The following SCN1A variants were observed in gnomAD, a reference collection of about 807,000 sequenced individuals.
The protein encoded by SCN1A is sodium channel protein type 1 subunit alpha.
A neutral mutation model predicts 193.7 loss-of-function variants in SCN1A; 13 were observed. That is an observed-to-expected ratio of 0.07 (90% CI 0.04 to 0.11). The LOEUF (loss-of-function observed/expected upper bound fraction) is 0.11. Ranked by LOEUF, SCN1A falls within the 10% of genes least tolerant of loss-of-function variation. The pLI is 1.00. For synonymous variants in SCN1A, 781 were observed against 843.6 expected (o/e 0.93, Z 1.29); for missense variants, 1,432 against 2,451.1 (o/e 0.58, Z 8.78).
chr2:166,024,841 G>A (rs191993307), intron 19 of SCN1A, among the ~76,000 whole-genome samples: 1 of 152,182 alleles, frequency 6.6e-6, no homozygotes, highest in Admixed American at 6.5e-5. Context: ...TGTATTTTTT[G>A]TAGAGACAGC....
chr2:166,074,764 A>C (rs1283344367), intron 3 of SCN1A, among the ~76,000 whole-genome samples: 1 of 152,216 alleles, frequency 6.6e-6, no homozygotes, highest in Non-Finnish European at 1.5e-5. Flanking sequence ...GCTATGGTAC[A>C]GTTAATTATA....
intron 9 of SCN1A, among the ~76,000 whole-genome samples, chr2:166,050,794 T>A (rs1698469584): frequency 6.6e-6 from 1 of 150,714 alleles, no homozygotes; most frequent in Non-Finnish European, 1.5e-5. Flanking sequence ...TTTCTATTAC[T>A]GTCTCCTGAA....
chr2:166,047,085 A>C, intron 11 of SCN1A, 109 bp from the exon 12 acceptor site: 1 of 1,244,952 alleles, frequency 8.0e-7, no homozygotes, highest in South Asian at 1.3e-5. Flanking sequence ...AATAGTAATT[A>C]TGTTGGTCAT....
chr2:166,094,812 A>G (rs1687200389), intron 2 of SCN1A, among the ~76,000 whole-genome samples: 1 of 152,206 alleles, frequency 6.6e-6, no homozygotes, highest in South Asian at 2.1e-4. Flanking sequence ...GCTATCAGAG[A>G]TGGGCAGTGT....
In SCN1A at chr2:166,001,028, G is replaced by A. The variant is rs181805307; in HGVS notation, c.4285-1252C>T. Among the ~76,000 whole-genome samples the A allele has an allele frequency of 2.2e-4, 33 of 151,802 alleles. No individual in the cohort carries two copies. The East Asian group carries it at 6.0e-3, about 28-fold the overall frequency. ...TTCTTTCCTCAAATTTATGGAGGAG[G>A]TGGTTGCTTTAGTGATATTTACAAG... On this transcript the variant is annotated intron_variant, in intron 24 of 28. Transcript: ENST00000674923.
intron 19 of SCN1A, among the ~76,000 whole-genome samples, chr2:166,029,016 A>G (rs1695187151): frequency 6.6e-6 from 1 of 152,128 alleles, no homozygotes; most frequent in Non-Finnish European, 1.5e-5. Flanking sequence ...GTAAGAGAGT[A>G]TTCCTGTCAG....
chr2:166,141,060 G>A (rs1692060606), intron 1 of SCN1A, among the ~76,000 whole-genome samples: 1 of 152,086 alleles, frequency 6.6e-6, no homozygotes, highest in African/African-American at 2.4e-5. Context: ...AGCTCTTAAA[G>A]CCTACTCACT....
upstream of SCN1A, among the ~76,000 whole-genome samples, chr2:166,131,115 C>G (rs1425484623): frequency 1.3e-5 from 2 of 151,998 alleles, no homozygotes; most frequent in African/African-American, 2.4e-5. Context: ...GTCTCTTTCT[C>G]ACTGTTACGT....
intron 2 of SCN1A, among the ~76,000 whole-genome samples, chr2:166,103,933 G>C (rs992410522): frequency 1.3e-5 from 2 of 152,158 alleles, no homozygotes; most frequent in African/African-American, 2.4e-5. Context: ...GCAGTGTATA[G>C]CTAGAGCTGA....
At chr2:166,115,724 A>G (rs1689778354) in intron 2 of SCN1A, among the ~76,000 whole-genome samples, 1 of 152,216 alleles carries the variant, frequency 6.6e-6, no homozygotes, top group African/African-American at 2.4e-5. Flanking sequence ...TTTCATTTTC[A>G]TTTAACAATT....
At chr2:165,996,878 C>T (rs1690141609) in intron 26 of SCN1A, among the ~76,000 whole-genome samples, 1 of 151,036 alleles carries the variant, frequency 6.6e-6, no homozygotes, top group Non-Finnish European at 1.5e-5. Context: ...TACAAATGGC[C>T]AATGAGCATT....
At chr2:166,028,362 A>G (rs898459185) in intron 19 of SCN1A, among the ~76,000 whole-genome samples, 1 of 150,992 alleles carries the variant, frequency 6.6e-6, no homozygotes, top group Non-Finnish European at 1.5e-5. Flanking sequence ...ATTTTGCCAA[A>G]TTGAGCACAG....
chr2:166,080,523 TAAGTA>T (rs551243012), intron 2 of SCN1A, among the ~76,000 whole-genome samples: 17 of 151,654 alleles, frequency 1.1e-4, no homozygotes, highest in Non-Finnish European at 2.1e-4. Flanking sequence ...ATATTGGAAA[TAAGTA>T]GAGTAGTGGG....
chr2:166,119,173 T>C (rs1690255066), intron 2 of SCN1A, among the ~76,000 whole-genome samples: 1 of 152,186 alleles, frequency 6.6e-6, no homozygotes, highest in Non-Finnish European at 1.5e-5. Flanking sequence ...CCAGTACTGG[T>C]CCGTGGCCCA....
At chr2:166,026,679 C>CTTTTTTTTTTTTT (rs35750460) in intron 19 of SCN1A, among the ~76,000 whole-genome samples, 117 of 97,682 alleles carry the variant, frequency 1.2e-3, no homozygotes, top group Middle Eastern at 6.0e-3. Context: ...TTCTTTCTTT[C>CTTTTTTTTTTTTT]TTTTTTTTTT....
chr2:166,081,030 C>A (rs1685465635), intron 2 of SCN1A, among the ~76,000 whole-genome samples: 1 of 144,994 alleles, frequency 6.9e-6, no homozygotes, highest in Non-Finnish European at 1.5e-5. Flanking sequence ...TGCTTCTGGG[C>A]ATTATATATC....
intron 4 of SCN1A, among the ~76,000 whole-genome samples, chr2:166,069,604 A>G (rs993655282): frequency 2.6e-5 from 4 of 152,204 alleles, no homozygotes; most frequent in Admixed American, 6.5e-5. Context: ...AATTCCTTGC[A>G]TGTACACTAC....
At chr2:166,010,076 T>G (rs2105573778) in intron 22 of SCN1A, among the ~76,000 whole-genome samples, 1 of 150,954 alleles carries the variant, frequency 6.6e-6, no homozygotes, top group African/African-American at 2.4e-5. Flanking sequence ...GTCATATAAT[T>G]TATCAACTGA....
At chr2:166,084,910 A>G (rs34268282) in intron 2 of SCN1A, among the ~76,000 whole-genome samples, 34,434 of 152,066 alleles carry the variant, frequency 0.23, 3,976 homozygotes, top group Middle Eastern at 0.41. Flanking sequence ...TCCATTCCTC[A>G]GAATGTGGGC....
Sources: gnomAD v4.1 joint callset for allele counts (sites outside exome capture counted in the v4.1 genomes callset) on GRCh38, gnomAD v4.1.1 for gene constraint, MANE v1.5 for transcripts, NCBI Gene and HGNC (gene_info 2026-07-23, HGNC 2026-07-21) for gene names.